IMMP2L: variants seen among roughly 807,000 people sequenced by gnomAD.
IMMP2L encodes the protein mitochondrial inner membrane protease subunit 2.
Under a neutral mutation model 19.3 loss-of-function variants are expected in IMMP2L, and 18 were observed. That is an observed-to-expected ratio of 0.93 (90% confidence interval 0.64 to 1.38). IMMP2L has a LOEUF of 1.38. Among genes scored for constraint, IMMP2L ranks in the 40% most tolerant of loss-of-function variants. The pLI, the probability that IMMP2L is intolerant of heterozygous loss-of-function variation, is 0.00. For missense variants in IMMP2L, 233 were observed against 218.2 expected (o/e 1.07, Z -0.43); for synonymous variants, 76 against 73.0 (o/e 1.04, Z -0.21).
chr7:111,221,515 AAG>A (rs141908424), intron 3 of IMMP2L, among the ~76,000 whole-genome samples: 1 of 151,430 alleles, frequency 6.6e-6, no homozygotes, highest in Non-Finnish European at 1.5e-5. Flanking sequence ...GAGAGAGAGC[AAG>A]AGAGAGAGAG....
At chr7:110,719,631 A>G (rs911306368) in intron 5 of IMMP2L, among the ~76,000 whole-genome samples, 5 of 152,204 alleles carry the variant, frequency 3.3e-5, no homozygotes, top group Admixed American at 2.0e-4. Context: ...TTGTGTCTCA[A>G]TAGAATTTTA....
intron 3 of IMMP2L, among the ~76,000 whole-genome samples, chr7:111,428,897 CAGTAT>C (rs1252018041): frequency 2.6e-5 from 4 of 151,774 alleles, no homozygotes; most frequent in Non-Finnish European, 5.9e-5. Context: ...ACTTACAAAG[CAGTAT>C]AGTATTCAAT....
intron 3 of IMMP2L, among the ~76,000 whole-genome samples, chr7:111,053,894 T>A (rs1296599450): frequency 6.6e-6 from 1 of 152,228 alleles, no homozygotes; most frequent in Admixed American, 6.5e-5. Context: ...TTAAGCATTT[T>A]ATATTTATTA....
intron 2 of IMMP2L, among the ~76,000 whole-genome samples, chr7:111,499,371 C>T (rs531191670): frequency 6.6e-6 from 1 of 152,160 alleles, no homozygotes; most frequent in Admixed American, 6.5e-5. Context: ...AATCATATCC[C>T]TCACATATGC....
chr7:111,108,407 T>A (rs1189107260), intron 3 of IMMP2L, among the ~76,000 whole-genome samples: 1 of 152,136 alleles, frequency 6.6e-6, no homozygotes, highest in African/African-American at 2.4e-5. Flanking sequence ...AATACAAATG[T>A]CACAAATTTT....
intron 3 of IMMP2L, among the ~76,000 whole-genome samples, chr7:111,052,872 T>G (rs62464053): frequency 2.6e-5 from 4 of 152,324 alleles, no homozygotes; most frequent in Non-Finnish European, 5.9e-5. Flanking sequence ...ACTGTCTAAA[T>G]TAATAACTAG....
intron 3 of IMMP2L, among the ~76,000 whole-genome samples, chr7:111,065,900 ATG>A (rs71151828): frequency 1.3e-5 from 2 of 150,618 alleles, no homozygotes; most frequent in African/African-American, 4.9e-5. Context: ...CCCTAATACA[ATG>A]TGTGTGTGTG....
At chr7:110,873,613 A>T (rs2129544088) in intron 5 of IMMP2L, among the ~76,000 whole-genome samples, 1 of 151,138 alleles carries the variant, frequency 6.6e-6, no homozygotes, top group African/African-American at 2.4e-5. Flanking sequence ...AAATTACAAA[A>T]AAAAAAAAAA....
chr7:111,389,910 T>G (rs1832169164), intron 3 of IMMP2L, among the ~76,000 whole-genome samples: 1 of 152,114 alleles, frequency 6.6e-6, no homozygotes, highest in Non-Finnish European at 1.5e-5. Context: ...TGTTAAAAGG[T>G]GTCTTGAACG....
chr7:111,018,787 T>TTTTTTATTA (rs1216112397), intron 3 of IMMP2L, among the ~76,000 whole-genome samples: 1 of 141,490 alleles, frequency 7.1e-6, no homozygotes, highest in East Asian at 2.1e-4. Context: ...TGTGTGTCTT[T>TTTTTTATTA]TTATTATTAT....
At chr7:111,000,644 G>C (rs1344049740) in intron 3 of IMMP2L, among the ~76,000 whole-genome samples, 8 of 152,130 alleles carry the variant, frequency 5.3e-5, no homozygotes, top group Admixed American at 5.2e-4. Context: ...AAGAGTTCGA[G>C]ACCAGCCTGG....
At chr7:111,107,285 T>C (rs1367123552) in intron 3 of IMMP2L, among the ~76,000 whole-genome samples, 2 of 152,024 alleles carry the variant, frequency 1.3e-5, no homozygotes, top group Non-Finnish European at 2.9e-5. Context: ...ATAATTTAAA[T>C]TATATGGGCA....
At chr7:111,155,868 C>T (rs1171335859) in intron 3 of IMMP2L, among the ~76,000 whole-genome samples, 6 of 152,034 alleles carry the variant, frequency 3.9e-5, no homozygotes, top group African/African-American at 1.4e-4. Flanking sequence ...ACACCCCATC[C>T]CAGTGATTTT....
intron 5 of IMMP2L, among the ~76,000 whole-genome samples, chr7:110,824,745 G>T (rs377604000): frequency 1.8e-3 from 280 of 152,152 alleles, no homozygotes; most frequent in African/African-American, 5.4e-3. Flanking sequence ...GGCTTGTTCA[G>T]CTGGCAATTC....
intron 3 of IMMP2L, among the ~76,000 whole-genome samples, chr7:111,332,804 T>C (rs1185431728): frequency 6.6e-6 from 1 of 152,104 alleles, no homozygotes; most frequent in Non-Finnish European, 1.5e-5. Flanking sequence ...ATAGTAATGC[T>C]ATAAGAAATA....
intron 3 of IMMP2L, among the ~76,000 whole-genome samples, chr7:111,362,611 A>C (rs1290185337): frequency 6.6e-6 from 1 of 152,136 alleles, no homozygotes; most frequent in African/African-American, 2.4e-5. Flanking sequence ...TTGATGTGTG[A>C]AAACTATCAG....
At chr7:111,208,759 T>C (rs532896784) in intron 3 of IMMP2L, among the ~76,000 whole-genome samples, 12 of 152,244 alleles carry the variant, frequency 7.9e-5, no homozygotes, top group African/African-American at 2.9e-4. Flanking sequence ...ATCCTTTGGG[T>C]CTTTATAGAA....
At chr7:110,740,584 C>T (rs1235635316) in intron 5 of IMMP2L, among the ~76,000 whole-genome samples, 1 of 151,608 alleles carries the variant, frequency 6.6e-6, no homozygotes, top group Non-Finnish European at 1.5e-5. Flanking sequence ...AAAAAACTGC[C>T]AACAAAAAAA....
intron 3 of IMMP2L, among the ~76,000 whole-genome samples, chr7:111,030,628 G>A (rs1241178601): frequency 6.6e-6 from 1 of 151,936 alleles, no homozygotes; most frequent in East Asian, 1.9e-4. Flanking sequence ...TTGTAGTAGA[G>A]GTGAGCTATG....
Sources: gnomAD v4.1 joint callset for allele counts (sites outside exome capture counted in the v4.1 genomes callset) on GRCh38, gnomAD v4.1.1 for gene constraint, MANE v1.5 for transcripts, NCBI Gene and HGNC (gene_info 2026-07-23, HGNC 2026-07-21) for gene names.